CLVS1: variants seen among roughly 807,000 people sequenced by gnomAD.
CLVS1 encodes the protein clavesin-1.
CLVS1 carries 10 observed loss-of-function variants against 33.1 expected under a neutral mutation model. The ratio of observed to expected loss-of-function variants is 0.30; its 90% confidence interval spans 0.19 to 0.51. The LOEUF is 0.51. CLVS1 is among the 20% of genes least tolerant of loss of function. The pLI is 0.97. For synonymous variants in CLVS1, 163 were observed against 166.1 expected (o/e 0.98, Z 0.14); for missense variants, 343 against 433.4 (o/e 0.79, Z 1.85).
chr8:61,096,624 G>T (rs1216856524), intron 1 of CLVS1, among the ~76,000 whole-genome samples: 1 of 152,158 alleles, frequency 6.6e-6, no homozygotes, highest in African/African-American at 2.4e-5. Context: ...AAACACTTCA[G>T]ACTTCTATTC....
At chr8:61,119,960 C>A (rs1805821592) in intron 1 of CLVS1, among the ~76,000 whole-genome samples, 2 of 142,426 alleles carry the variant, frequency 1.4e-5, no homozygotes, top group Admixed American at 1.4e-4. Flanking sequence ...TAATATCCTG[C>A]AGAGTGTTTT....
At position 61,376,698 on chromosome 8, in the gene CLVS1, T is replaced by G; in HGVS notation, c.549T>G (p.Ile183Met). The change falls in exon 3 of 6, where the codon ATT becomes ATG. Residue 183 changes from isoleucine (I) to methionine (M), a missense_variant. This residue lies in a region of CLVS1 where 166 missense variants were observed against 244.0 expected (regional missense o/e 0.68). Coordinates refer to ENST00000325897, the MANE Select transcript of CLVS1 (RefSeq NM_173519.3). ...TTCAGATAAATGGCTTCATTTTAAT[T>G]ATAGACTGGAGTAATTTTTCCTTCA... Reference protein sequence around the residue: ...PELQINGFILIIDWSNFSFKQ... With the variant: ...PELQINGFILMIDWSNFSFKQ... The G allele has an allele frequency of 6.2e-7, 1 of 1,614,170 alleles. No homozygotes were observed. Among genetic ancestry groups the G allele is most frequent in the Non-Finnish European group, 8.5e-7 (1 of 1,179,996 alleles).
At chr8:60,974,728 G>A in the CLVS1 span, among the ~76,000 whole-genome samples, 5 of 149,998 alleles carry the variant, frequency 3.3e-5, no homozygotes, top group East Asian at 1.9e-4. Flanking sequence ...GCAGTGAGCC[G>A]AGATCACGCC....
At chr8:61,064,366 C>T (rs1045111362) in intron 1 of CLVS1, among the ~76,000 whole-genome samples, 7 of 152,160 alleles carry the variant, frequency 4.6e-5, no homozygotes, top group African/African-American at 1.7e-4. Flanking sequence ...AATTTCTTCA[C>T]AACTTTGCCT....
chr8:61,301,523 C>T (rs189568980), intron 2 of CLVS1, among the ~76,000 whole-genome samples: 3 of 152,276 alleles, frequency 2.0e-5, no homozygotes, highest in Admixed American at 6.5e-5. Flanking sequence ...TAACAGCTAC[C>T]GTTATCATAG....
intron 2 of CLVS1, among the ~76,000 whole-genome samples, chr8:61,187,950 T>C (rs752371590): frequency 3.3e-5 from 5 of 152,010 alleles, no homozygotes; most frequent in African/African-American, 1.2e-4. Context: ...GAGAAAGTAC[T>C]AAGTTAACAT....
At chr8:61,397,446 T>A (rs1814572447) in intron 3 of CLVS1, among the ~76,000 whole-genome samples, 1 of 152,158 alleles carries the variant, frequency 6.6e-6, no homozygotes, top group East Asian at 1.9e-4. Context: ...CCTGGTAAGA[T>A]CAAATATTTT....
chr8:61,012,571 C>T, the CLVS1 span, among the ~76,000 whole-genome samples: 5 of 152,146 alleles, frequency 3.3e-5, no homozygotes, highest in Admixed American at 3.3e-4. Context: ...ACATGTAGCC[C>T]TCAGAGGCTG....
At chr8:61,119,596 TG>T (rs1805813739) in intron 1 of CLVS1, among the ~76,000 whole-genome samples, 1 of 150,572 alleles carries the variant, frequency 6.6e-6, no homozygotes. Context: ...AGCATTTGCT[TG>T]TCTGTAAAGT....
intron 1 of CLVS1, among the ~76,000 whole-genome samples, chr8:61,297,273 G>A (rs1810248739): frequency 1.3e-5 from 2 of 152,150 alleles, no homozygotes; most frequent in Admixed American, 1.3e-4. Context: ...GTAATATAGA[G>A]AATAGGTTGA....
At chr8:61,206,712 C>T (rs1257852146) in intron 2 of CLVS1, among the ~76,000 whole-genome samples, 1 of 151,810 alleles carries the variant, frequency 6.6e-6, no homozygotes, top group Non-Finnish European at 1.5e-5. Context: ...CCTCAGCCTC[C>T]CGAGTAGCTG....
chr8:61,466,004 T>C (rs1817536169), intron 5 of CLVS1, among the ~76,000 whole-genome samples: 1 of 152,196 alleles, frequency 6.6e-6, no homozygotes, highest in African/African-American at 2.4e-5. Context: ...TCCACTTCTT[T>C]GCTCCCACAT....
chr8:61,501,449 C>T lies in CLVS1; in HGVS notation c.*1907C>T, dbSNP rs1453821277. On this transcript the variant is annotated 3_prime_UTR_variant, in exon 6 of 6. Transcript: ENST00000325897. Reference sequence around the variant, plus strand: ...TAGTTTTTACTCTCTTCCATAATTTCATTACATGAATGTAAGATGATGGCT... The same window carrying T: ...TAGTTTTTACTCTCTTCCATAATTTTATTACATGAATGTAAGATGATGGCT... The T allele has an allele frequency of 1.3e-5, 2 of 152,120 alleles. No individual in the cohort carries two copies. Among genetic ancestry groups the T allele is most frequent in the African/African-American group, 2.4e-5 (1 of 41,440 alleles). The allele number at this position is 152,120 out of a possible 1,614,324, so 9.4% of individuals were successfully genotyped here. A position where few individuals can be genotyped will look rare whatever the true frequency, so the allele number is the denominator to read the frequency against.
chr8:61,024,139 A>T, the CLVS1 span, among the ~76,000 whole-genome samples: 1 of 152,180 alleles, frequency 6.6e-6, no homozygotes, highest in Admixed American at 6.5e-5. Flanking sequence ...AGGGAAAGAC[A>T]ATGATAAATT....
chr8:61,433,523 AT>A (rs1361741252), intron 3 of CLVS1, among the ~76,000 whole-genome samples: 2 of 152,098 alleles, frequency 1.3e-5, no homozygotes, highest in Non-Finnish European at 2.9e-5. Context: ...GATTCTATTT[AT>A]TTCTTTCTCA....
intron 3 of CLVS1, among the ~76,000 whole-genome samples, chr8:61,444,199 T>C (rs1414890283): frequency 2.6e-5 from 4 of 152,180 alleles, no homozygotes; most frequent in Non-Finnish European, 2.9e-5. Flanking sequence ...TTTTTTCCTT[T>C]TTAATCTGTA....
intron 2 of CLVS1, among the ~76,000 whole-genome samples, chr8:61,345,572 C>T (rs927298525): frequency 2.0e-5 from 3 of 151,684 alleles, no homozygotes; most frequent in East Asian, 1.9e-4. Flanking sequence ...GATGTTCCCT[C>T]GAATATGGTG....
the CLVS1 span, among the ~76,000 whole-genome samples, chr8:61,051,788 CAACT>C: frequency 6.6e-6 from 1 of 152,258 alleles, no homozygotes; most frequent in Non-Finnish European, 1.5e-5. Context: ...CGTGCTGGCC[CAACT>C]GAGGACAGTG....
rs556823259 is a variant in CLVS1 at position 61,218,706 on chromosome 8, G to A, written c.-151-80971G>A. On this transcript the variant is annotated intron_variant, in intron 2 of 2. Coordinates refer to the CLVS1 transcript ENST00000522621. ...TCTCAGCACTTTGGGAGGCTGAGGCGGGTGGACAGCTTGAGGTCAGGAGTT... is the reference window on the plus strand; with the variant it reads ...TCTCAGCACTTTGGGAGGCTGAGGCAGGTGGACAGCTTGAGGTCAGGAGTT... Among the ~76,000 whole-genome samples, 10 of 151,338 alleles carry A rather than the reference G, an allele frequency of 6.6e-5. No homozygotes were observed. The East Asian group carries it at 9.7e-4, about 15-fold the overall frequency.
Sources: gnomAD v4.1 joint callset for allele counts (sites outside exome capture counted in the v4.1 genomes callset) on GRCh38, gnomAD v4.1.1 for gene constraint, gnomAD v4.1.1 regional missense constraint, MANE v1.5 for transcripts, NCBI Gene and HGNC (gene_info 2026-07-23, HGNC 2026-07-21) for gene names.